The following URGCP variants were observed in gnomAD, a reference collection of about 807,000 sequenced individuals.
URGCP encodes upregulator of cell proliferation, also known as up-regulator of cell proliferation.
URGCP carries 13 observed loss-of-function variants against 24.6 expected under a neutral mutation model. The observed-to-expected ratio is 0.53, with a 90% CI of 0.34 to 0.84. The LOEUF (loss-of-function observed/expected upper bound fraction) is 0.84, where lower values mean the gene tolerates loss of function less well. Ranked by LOEUF, URGCP falls within the 40% of genes least tolerant of loss-of-function variation. The pLI is 0.01. For missense variants in URGCP, 899 were observed against 1,194.3 expected (o/e 0.75, Z 3.64); for synonymous variants, 444 against 487.2 (o/e 0.91, Z 1.17).
At chr7:43,888,122 T>G (rs1459707171) in intron 1 of URGCP, 1 of 248,532 alleles carries the variant, frequency 4.0e-6, no homozygotes, top group Non-Finnish European at 7.6e-6. Flanking sequence ...TCTAGAAGGA[T>G]GTTCATCTGA....
intron 1 of URGCP, chr7:43,919,846 G>T: frequency 7.9e-7 from 1 of 1,273,734 alleles, no homozygotes; most frequent in East Asian, 2.3e-5. Flanking sequence ...AACCACACCA[G>T]CATCTCCTCA....
Position 43,876,971 on chromosome 7 carries a change from C to G in URGCP, c.2492G>C (p.Arg831Thr). 1.2e-6 allele frequency: 2 copies of G among 1,614,186 alleles called. No homozygotes were observed. The highest frequency in any genetic ancestry group is 1.7e-6 in the Non-Finnish European group (2 of 1,180,042). Residue 831 changes from arginine (R) to threonine (T), a missense_variant, in exon 6 of 6, where the codon AGG becomes ACG. By Grantham distance (71) the Arg-to-Thr change is moderately conservative (BLOSUM62 -1). Transcript: ENST00000453200. ...NLHDVSVPGPRPRDKRQLLDP... is the reference protein window; with the variant it reads ...NLHDVSVPGPTPRDKRQLLDP... ...CAGGAGCTGTCTCTTGTCTCTGGGC[C>G]TAGGGCCGGGAACAGATACATCATG...
At chr7:43,912,930 AAC>A (rs1456700653) in intron 1 of URGCP, among the ~76,000 whole-genome samples, 4 of 151,932 alleles carry the variant, frequency 2.6e-5, no homozygotes, top group Non-Finnish European at 5.9e-5. Flanking sequence ...AGCTCACTGC[AAC>A]CTCCACCTCC....
intron 1 of URGCP, among the ~76,000 whole-genome samples, chr7:43,894,316 T>C (rs2095875256): frequency 6.6e-6 from 1 of 152,202 alleles, no homozygotes; most frequent in African/African-American, 2.4e-5. Flanking sequence ...GATAGATCCA[T>C]GTAGTGGCAC....
intron 2 of URGCP, 30 bp downstream of exon 2, chr7:43,887,760 T>C (rs2132668842): frequency 6.5e-7 from 1 of 1,548,444 alleles, no homozygotes; most frequent in East Asian, 2.4e-5. Flanking sequence ...ACAAATACAG[T>C]CATTCAGAAA....
chr7:43,885,881 A>T (rs546724006), intron 3 of URGCP, among the ~76,000 whole-genome samples: 23 of 152,222 alleles, frequency 1.5e-4, no homozygotes, highest in Non-Finnish European at 3.2e-4. Context: ...AATTCTGTTT[A>T]ATTTTAAACA....
upstream of URGCP, among the ~76,000 whole-genome samples, chr7:43,909,914 A>G (rs536798449): frequency 1.4e-3 from 208 of 148,910 alleles, no homozygotes; most frequent in South Asian, 7.9e-3. Context: ...GTGGTGGCAC[A>G]TGCCTGTAAT....
In URGCP at chr7:43,876,284, C is replaced by G. The variant is rs1585781192; in HGVS notation, c.*383G>C. The G allele has an allele frequency of 4.9e-6, 1 of 202,512 alleles. No homozygotes were observed. Among genetic ancestry groups the G allele is most frequent in the East Asian group, 1.3e-4 (1 of 7,820 alleles). The allele number at this position is 202,512 out of a possible 1,614,324, so 12.5% of individuals were successfully genotyped here. A position where few individuals can be genotyped will look rare whatever the true frequency, so the allele number is the denominator to read the frequency against. On this transcript the variant is annotated 3_prime_UTR_variant, in exon 6 of 6. Transcript: ENST00000453200. ...CTGCTTCCTCAGGACAACTTCCCCA[C>G]CTCTGTCCTGGGACCACCTGCCCGC...
At position 43,877,115 on chromosome 7, in the gene URGCP, T is replaced by C. The variant is rs375921236; in HGVS notation, c.2348A>G (p.Asn783Ser). 68 of 1,614,086 alleles carry C rather than the reference T, an allele frequency of 4.2e-5. 1 individual carries two copies. In the Admixed American group the frequency reaches 4.7e-4, roughly 11 times the overall value. ...SLATLLMGLS[N>S]VTVISLAETK... ...TTCAGCTAGACTGATCACGGTGACA[T>C]TGCTCAGTCCCATGAGCAGAGTGGC... is the stretch of plus-strand genomic sequence containing the variant. Residue 783 changes from asparagine to serine, a missense_variant, in exon 6 of 6, where the codon AAT becomes AGT. Asn to Ser is a conservative substitution (Grantham distance 46, BLOSUM62 1). Transcript: ENST00000453200.
chr7:43,919,861 T>C (rs1013140958), intron 1 of URGCP: 1 of 1,295,042 alleles, frequency 7.7e-7, no homozygotes, highest in Non-Finnish European at 1.1e-6. Flanking sequence ...TCCTCACTCT[T>C]CTAGAGAACC....
intron 1 of URGCP, among the ~76,000 whole-genome samples, chr7:43,903,114 A>G (rs1454902861): frequency 6.8e-6 from 1 of 147,642 alleles, no homozygotes; most frequent in African/African-American, 2.5e-5. Context: ...TGAGACCCCC[A>G]CTGCTATTAA....
rs746052893 is a variant in URGCP at position 43,877,294 on chromosome 7, G to A, written c.2169C>T (p.Cys723=). 3.7e-6 allele frequency: 6 copies of A among 1,613,462 alleles called. No individual in the cohort carries two copies. The highest frequency in any genetic ancestry group is 2.2e-5 in the East Asian group (1 of 44,884). ...FGLRFATGKS[C]GPRGAFMQLI... ...GCTGCATGAAGGCCCCTCGAGGACCGCAGCTCTTCCCTGTGGCAAACCGCA... is the reference window on the plus strand; with the variant it reads ...GCTGCATGAAGGCCCCTCGAGGACCACAGCTCTTCCCTGTGGCAAACCGCA... Residue 723 remains cysteine (C), a synonymous_variant, in exon 6 of 6, where the codon TGC becomes TGT. Coordinates refer to ENST00000453200, the MANE Select transcript of URGCP (RefSeq NM_001077663.3).
At chr7:43,892,717 C>T (rs2095872799) in intron 1 of URGCP, among the ~76,000 whole-genome samples, 1 of 152,100 alleles carries the variant, frequency 6.6e-6, no homozygotes, top group African/African-American at 2.4e-5. Context: ...CTTCAACACT[C>T]CTTCTAGGGG....
intron 1 of URGCP, among the ~76,000 whole-genome samples, chr7:43,892,219 ATTTTT>A (rs34553486): frequency 1.6e-5 from 2 of 125,366 alleles, no homozygotes; most frequent in African/African-American, 3.1e-5. Context: ...CGCCCAGCCA[ATTTTT>A]TTTTTTTTTT....
At chr7:43,912,504 A>G (rs1284278968) in intron 1 of URGCP, among the ~76,000 whole-genome samples, 1 of 152,126 alleles carries the variant, frequency 6.6e-6, no homozygotes, top group East Asian at 1.9e-4. Flanking sequence ...AAAATCAGGA[A>G]GTGTAAGTCC....
In URGCP at chr7:43,918,453, G is replaced by A. The variant is rs192615813; in HGVS notation, c.-116+7679C>T. 7.9e-5 allele frequency among the ~76,000 whole-genome samples: 12 copies of A among 151,738 alleles called. No individual in the cohort carries two copies. In the East Asian group the frequency reaches 2.2e-3, roughly 27 times the overall value. Reference sequence around the variant, plus strand: ...TTCAAGTGATTTCCAGCTAATTTTTGTATTTTTAGTAGAGATGGGGTTTCA... The same window carrying A: ...TTCAAGTGATTTCCAGCTAATTTTTATATTTTTAGTAGAGATGGGGTTTCA... On this transcript the variant is annotated intron_variant, in intron 1 of 5. Coordinates refer to the URGCP transcript ENST00000426198.
chr7:43,919,804 TGG>T, intron 1 of URGCP: 1 of 1,292,974 alleles, frequency 7.7e-7, no homozygotes, highest in South Asian at 1.2e-5. Context: ...TACCTGCCCT[TGG>T]CCCACCGGGT....
intron 1 of URGCP, among the ~76,000 whole-genome samples, chr7:43,924,763 G>A (rs865888554): frequency 6.6e-6 from 1 of 152,066 alleles, no homozygotes; most frequent in Non-Finnish European, 1.5e-5. Context: ...GGTAAAGCTG[G>A]AGGATACTTT....
chr7:43,882,854 T>C (rs2095856044), intron 3 of URGCP, among the ~76,000 whole-genome samples: 4 of 152,232 alleles, frequency 2.6e-5, no homozygotes, highest in Admixed American at 2.6e-4. Flanking sequence ...AGATTAACCT[T>C]TGATTTTAGA....
Sources: allele counts gnomAD v4.1 joint callset (sites outside exome capture counted in the v4.1 genomes callset), GRCh38; gene constraint gnomAD v4.1.1; transcripts MANE v1.5; gene names NCBI Gene and HGNC (gene_info 2026-07-23, HGNC 2026-07-21).